MRE11: variants seen among roughly 807,000 people sequenced by gnomAD.
MRE11 encodes the protein MRE11 double strand break repair nuclease.
Under a neutral mutation model 91.7 loss-of-function variants are expected in MRE11, and 62 were observed. The ratio of observed to expected loss-of-function variants is 0.68; its 90% CI spans 0.55 to 0.84. The LOEUF is 0.84. Ranked by LOEUF, MRE11 falls within the 40% of genes least tolerant of loss-of-function variation. The pLI, the probability that MRE11 is intolerant of heterozygous loss-of-function variation, is 0.00. For synonymous variants in MRE11, 273 were observed against 271.4 expected (o/e 1.01, Z -0.06); for missense variants, 796 against 852.9 (o/e 0.93, Z 0.83).
chr11:94,419,465 GGAGAGAGAGAGAGAGAGA>G lies in MRE11; in HGVS notation c.*642_*659del. ...GAAGAGTGGGGAACGGGGGGGAGAGGGAGAGAGAGAGAGAGAGAGAGAGAGAGAGAACACCATTAAGGA... is the reference window on the plus strand; with the variant it reads ...GAAGAGTGGGGAACGGGGGGGAGAGGGAGAGAGAGAGAACACCATTAAGGA... On this transcript the variant is annotated 3_prime_UTR_variant, in exon 20 of 20. Transcript: ENST00000323929. 5.1e-6 allele frequency: 1 copy of G among 196,750 alleles called. No individual in the cohort carries two copies. Among genetic ancestry groups the G allele is most frequent in the East Asian group, 7.7e-5 (1 of 13,034 alleles). 12.2% of individuals were successfully genotyped at this position (196,750 alleles called of 1,614,324 possible).
At chr11:94,425,224 C>T (rs954219463) in intron 19 of MRE11, among the ~76,000 whole-genome samples, 8 of 152,114 alleles carry the variant, frequency 5.3e-5, no homozygotes, top group Admixed American at 4.6e-4. Context: ...GAAATTCTAA[C>T]CAAGAATTTC....
chr11:94,485,473 T>C (rs1243697849), intron 4 of MRE11, among the ~76,000 whole-genome samples: 2 of 152,084 alleles, frequency 1.3e-5, no homozygotes, highest in East Asian at 3.9e-4. Context: ...AATTAGAATA[T>C]ATAAGTAACT....
intron 4 of MRE11, among the ~76,000 whole-genome samples, chr11:94,480,976 T>G (rs1340649069): frequency 1.3e-5 from 2 of 152,328 alleles, no homozygotes; most frequent in East Asian, 3.9e-4. Flanking sequence ...TATTTCAGTA[T>G]AGCTCTGTCT....
At position 94,447,370 on chromosome 11, in the gene MRE11, G is replaced by C. The variant is rs1450541901; in HGVS notation, c.1632C>G (p.Asp544Glu). Residue 544 changes from aspartate (D) to glutamate (E), a missense_variant, in exon 15 of 20, where the codon GAC becomes GAG. Transcript: ENST00000323929. ...GTTCTGCTAAATCTATACTCATAAGGTCATCAGCACTAAAGGCAGAAGCAG... is the reference window on the plus strand; with the variant it reads ...GTTCTGCTAAATCTATACTCATAAGCTCATCAGCACTAAAGGCAGAAGCAG... ...EESASAFSAD[D>E]LMSIDLAEQM... 3 of 1,614,072 alleles carry C rather than the reference G, an allele frequency of 1.9e-6. No homozygotes were observed. The highest frequency in any genetic ancestry group is 2.5e-6 in the Non-Finnish European group (3 of 1,180,008).
At chr11:94,473,487 T>A (rs1281278628) in intron 7 of MRE11, 1 of 152,062 alleles carries the variant, frequency 6.6e-6, no homozygotes, top group Non-Finnish European at 1.5e-5. Context: ...AAAAAACAGT[T>A]GATGTAGAGA....
At chr11:94,444,740 G>C (rs1471796156) in intron 16 of MRE11, among the ~76,000 whole-genome samples, 1 of 152,082 alleles carries the variant, frequency 6.6e-6, no homozygotes, top group African/African-American at 2.4e-5. Context: ...TATTACCCTT[G>C]ATAAACTTCA....
chr11:94,420,119 A>C lies in MRE11; in HGVS notation c.*6T>G, dbSNP rs1444436915. 6.4e-7 allele frequency: 1 copy of C among 1,559,488 alleles called. No individual in the cohort carries two copies. The highest frequency in any genetic ancestry group is 1.7e-5 in the Admixed American group (1 of 59,716). The stretch of plus-strand genomic sequence containing the variant: ...TCTTGCATGTTTCTCAGTGCCATTA[A>C]ATATATTATCTTCTATTTCTTCTTA... On this transcript the variant is annotated 3_prime_UTR_variant, in exon 20 of 20. Transcript: ENST00000323929.
chr11:94,440,430 TAAA>T (rs34587826), intron 16 of MRE11, among the ~76,000 whole-genome samples: 1 of 145,578 alleles, frequency 6.9e-6, no homozygotes. Context: ...CTCAAACATT[TAAA>T]AAAAAAAAAA....
chr11:94,436,765 C>T (rs1323305050), intron 17 of MRE11, among the ~76,000 whole-genome samples: 1 of 152,168 alleles, frequency 6.6e-6, no homozygotes, highest in East Asian at 1.9e-4. Context: ...GGACTCCAGC[C>T]TTTTCATTCA....
intron 3 of MRE11, among the ~76,000 whole-genome samples, chr11:94,487,875 A>T (rs1423197032): frequency 6.6e-6 from 1 of 152,228 alleles, no homozygotes; most frequent in Non-Finnish European, 1.5e-5. Flanking sequence ...AGTTTTTTTA[A>T]AAAAAGACTC....
chr11:94,485,057 C>T (rs1417889815), intron 4 of MRE11, among the ~76,000 whole-genome samples: 1 of 151,970 alleles, frequency 6.6e-6, no homozygotes, highest in Non-Finnish European at 1.5e-5. Flanking sequence ...ACTAAAAATA[C>T]AAAAAATTTG....
intron 15 of MRE11, 130 bp from the exon 16 acceptor site, chr11:94,446,023 T>A: frequency 2.8e-6 from 2 of 714,466 alleles, no homozygotes; most frequent in Admixed American, 4.4e-5. Context: ...GACATATATA[T>A]AAGAACAAAC....
chr11:94,452,344 A>C (rs1167309712), intron 14 of MRE11, among the ~76,000 whole-genome samples: 1 of 152,184 alleles, frequency 6.6e-6, no homozygotes, highest in Non-Finnish European at 1.5e-5. Context: ...AGTAGTATGA[A>C]CTGAAAACAA....
the MRE11 span, among the ~76,000 whole-genome samples, chr11:94,507,443 A>G: frequency 3.2e-4 from 49 of 152,158 alleles, no homozygotes; most frequent in Non-Finnish European, 6.0e-4. Context: ...ACATTCTAGT[A>G]CATGGTTTTG....
chr11:94,467,971 G>C, intron 9 of MRE11, 78 bp from the exon 10 acceptor site: 1 of 1,112,818 alleles, frequency 9.0e-7, no homozygotes, highest in Non-Finnish European at 1.4e-6. Flanking sequence ...TATTACCACA[G>C]GAATTTTCCT....
At chr11:94,456,196 A>C in intron 14 of MRE11, 80 bp downstream of exon 14, 6 of 1,345,046 alleles carry the variant, frequency 4.5e-6, no homozygotes, top group Non-Finnish European at 6.3e-6. Context: ...CTATGGACTG[A>C]CTATTCTAAC....
intron 15 of MRE11, among the ~76,000 whole-genome samples, chr11:94,446,484 T>C (rs1050242917): frequency 1.3e-5 from 2 of 152,198 alleles, no homozygotes; most frequent in African/African-American, 2.4e-5. Flanking sequence ...GTGAAAATAA[T>C]CATCATTAAA....
intron 16 of MRE11, among the ~76,000 whole-genome samples, chr11:94,440,064 T>A (rs1591646126): frequency 6.6e-6 from 1 of 152,374 alleles, no homozygotes; most frequent in East Asian, 1.9e-4. Flanking sequence ...GAGCTGGCTG[T>A]GACTGACCCA....
At chr11:94,425,734 G>A (rs1591629116) in intron 19 of MRE11, among the ~76,000 whole-genome samples, 2 of 152,096 alleles carry the variant, frequency 1.3e-5, no homozygotes, top group African/African-American at 4.8e-5. Flanking sequence ...CCAACCAACA[G>A]TAAAAAGGGA....
Sources: allele counts gnomAD v4.1 joint callset (sites outside exome capture counted in the v4.1 genomes callset), GRCh38; gene constraint gnomAD v4.1.1; transcripts MANE v1.5; gene names NCBI Gene and HGNC (gene_info 2026-07-23, HGNC 2026-07-21).